Variants in ZFPM2 observed in about 807,000 individuals in gnomAD.
ZFPM2 encodes the protein zinc finger protein ZFPM2.
ZFPM2 carries 20 observed loss-of-function variants against 98.6 expected under a neutral mutation model. The ratio of observed to expected loss-of-function variants is 0.20; its 90% CI spans 0.14 to 0.29. The LOEUF (loss-of-function observed/expected upper bound fraction) is 0.29. Among genes scored for constraint, ZFPM2 ranks in the 10% least tolerant of loss-of-function variants. The pLI, the probability that ZFPM2 is intolerant of heterozygous loss-of-function variation, is 1.00. For synonymous variants in ZFPM2, 518 were observed against 502.7 expected, an observed-to-expected ratio of 1.03 and a Z score of -0.41; for missense variants, 1,310 against 1,388.6, an observed-to-expected ratio of 0.94 and a Z score of 0.90.
intron 4 of ZFPM2, among the ~76,000 whole-genome samples, chr8:105,599,459 C>G (rs1464321287): frequency 6.6e-6 from 1 of 150,922 alleles, no homozygotes; most frequent in Non-Finnish European, 1.5e-5. Context: ...TCCCATTGAA[C>G]TGGTCAGCAA....
intron 1 of ZFPM2, among the ~76,000 whole-genome samples, chr8:105,337,166 G>A (rs187531177): frequency 7.5e-4 from 114 of 151,770 alleles, no homozygotes; most frequent in African/African-American, 2.5e-3. Flanking sequence ...TTATCAACAC[G>A]TTATGGTATG....
In ZFPM2 at chr8:105,318,445, G is replaced by C. The variant is rs184436593; in HGVS notation, c.-497G>C. 6.6e-6 allele frequency among the ~76,000 whole-genome samples: 1 copy of C among 151,228 alleles called. No homozygotes were observed. The highest frequency in any genetic ancestry group is 1.5e-5 in the Non-Finnish European group (1 of 67,710). On this transcript the variant is annotated 5_prime_UTR_variant, in exon 1 of 8. Coordinates refer to ENST00000407775, the MANE Select transcript of ZFPM2 (RefSeq NM_012082.4). ...CTCGCCGCCTCCCGCCGCAGAACAG[G>C]AGCTGCGCGGCCCGGAGCGGCGGCG...
chr8:105,424,999 T>C (rs927812064), intron 2 of ZFPM2, among the ~76,000 whole-genome samples: 4 of 152,210 alleles, frequency 2.6e-5, no homozygotes, highest in Non-Finnish European at 5.9e-5. Context: ...AGGTGAACTT[T>C]GACTGGAGAC....
At chr8:105,799,177 T>C (rs2131170688) in intron 7 of ZFPM2, among the ~76,000 whole-genome samples, 1 of 152,312 alleles carries the variant, frequency 6.6e-6, no homozygotes, top group South Asian at 2.1e-4. Flanking sequence ...GCCAAATCAT[T>C]CTATTTGTTC....
At chr8:105,777,718 A>G in intron 5 of ZFPM2, among the ~76,000 whole-genome samples, 1 of 152,232 alleles carries the variant, frequency 6.6e-6, no homozygotes, top group South Asian at 2.1e-4. Context: ...TATTTTATTC[A>G]AAAACTATTG....
chr8:105,604,597 T>C (rs1304985376), intron 4 of ZFPM2, among the ~76,000 whole-genome samples: 1 of 152,028 alleles, frequency 6.6e-6, no homozygotes, highest in East Asian at 1.9e-4. Flanking sequence ...ACGACCACAT[T>C]AGTCTCTTTT....
At chr8:105,425,215 T>C (rs1712273916) in intron 2 of ZFPM2, among the ~76,000 whole-genome samples, 1 of 151,884 alleles carries the variant, frequency 6.6e-6, no homozygotes, top group African/African-American at 2.4e-5. Context: ...GAAACTATAG[T>C]GTGTGAGCCA....
At chr8:105,483,344 C>A (rs1402069356) in intron 3 of ZFPM2, among the ~76,000 whole-genome samples, 1 of 151,856 alleles carries the variant, frequency 6.6e-6, no homozygotes, top group Non-Finnish European at 1.5e-5. Context: ...AATCCCAGCA[C>A]TTTGGGAAGC....
intron 5 of ZFPM2, among the ~76,000 whole-genome samples, chr8:105,774,523 G>C (rs1474056778): frequency 6.6e-6 from 1 of 152,120 alleles, no homozygotes; most frequent in African/African-American, 2.4e-5. Context: ...AAGGAACATT[G>C]TCTGGGCAGC....
At chr8:105,584,082 A>C (rs998843313) in intron 4 of ZFPM2, among the ~76,000 whole-genome samples, 2 of 152,034 alleles carry the variant, frequency 1.3e-5, no homozygotes, top group African/African-American at 4.8e-5. Context: ...TAAAGGCCTG[A>C]ATTATATTTT....
At chr8:105,559,546 G>T (rs574995233) in intron 3 of ZFPM2, among the ~76,000 whole-genome samples, 2 of 152,134 alleles carry the variant, frequency 1.3e-5, no homozygotes, top group African/African-American at 2.4e-5. Flanking sequence ...ACATGAAATT[G>T]TTATGAACAT....
intron 2 of ZFPM2, among the ~76,000 whole-genome samples, chr8:105,434,760 A>G (rs1812088237): frequency 2.0e-5 from 3 of 152,200 alleles, no homozygotes; most frequent in Admixed American, 2.0e-4. Context: ...AAAGTTCAAT[A>G]GTTATATTGT....
intron 5 of ZFPM2, among the ~76,000 whole-genome samples, chr8:105,659,266 CAAAT>C (rs911843553): frequency 6.6e-6 from 1 of 151,728 alleles, no homozygotes; most frequent in African/African-American, 2.4e-5. Context: ...AAAAAAAAAG[CAAAT>C]AAATAATAAA....
chr8:105,756,297 C>T (rs1474385577), intron 5 of ZFPM2, among the ~76,000 whole-genome samples: 1 of 152,164 alleles, frequency 6.6e-6, no homozygotes, highest in Non-Finnish European at 1.5e-5. Flanking sequence ...GTGATTGCTT[C>T]CACAGACTTC....
At chr8:105,548,805 G>A (rs116149347) in intron 3 of ZFPM2, among the ~76,000 whole-genome samples, 1,565 of 152,044 alleles carry the variant, frequency 0.01, 29 homozygotes, top group African/African-American at 0.036. Context: ...ATATTAGGTC[G>A]TAATTATCTC....
intron 3 of ZFPM2, among the ~76,000 whole-genome samples, chr8:105,445,555 C>T (rs1425335724): frequency 6.6e-6 from 1 of 150,712 alleles, no homozygotes; most frequent in Non-Finnish European, 1.5e-5. Flanking sequence ...TAGGTTTTGT[C>T]ATGGAGGTTA....
At chr8:105,708,320 C>A (rs1046029774) in intron 5 of ZFPM2, among the ~76,000 whole-genome samples, 1 of 152,078 alleles carries the variant, frequency 6.6e-6, no homozygotes, top group Admixed American at 6.5e-5. Flanking sequence ...ATAAAGATAT[C>A]TAATTGTGTA....
chr8:105,387,146 C>G (rs1236774744), intron 1 of ZFPM2: 3 of 152,508 alleles, frequency 2.0e-5, no homozygotes, highest in African/African-American at 7.2e-5. Flanking sequence ...ACACAGGGTG[C>G]TGACTGGTGT....
intron 1 of ZFPM2, among the ~76,000 whole-genome samples, chr8:105,330,577 TATAC>T (rs1278935679): frequency 4.1e-4 from 42 of 101,320 alleles, no homozygotes; most frequent in African/African-American, 1.8e-3. Flanking sequence ...TACATATATA[TATAC>T]ATATATATAT....
Sources: gnomAD v4.1 joint callset for allele counts (sites outside exome capture counted in the v4.1 genomes callset) on GRCh38, gnomAD v4.1.1 for gene constraint, MANE v1.5 for transcripts, NCBI Gene and HGNC (gene_info 2026-07-23, HGNC 2026-07-21) for gene names.